Variants in HSD17B13 observed in about 807,000 individuals in gnomAD.
HSD17B13 encodes the protein hydroxysteroid 17-beta dehydrogenase 13.
A neutral mutation model predicts 31.1 loss-of-function variants in HSD17B13; 26 were observed. The observed-to-expected ratio is 0.84, with a 90% CI of 0.61 to 1.16. The LOEUF is 1.16. Ranked by LOEUF, HSD17B13 falls within the 50% of genes most tolerant of loss-of-function variation. The pLI is 0.00. For synonymous variants in HSD17B13, 141 were observed against 133.7 expected (o/e 1.05, Z -0.38); for missense variants, 374 against 366.5 (o/e 1.02, Z -0.17).
intron 6 of HSD17B13, among the ~76,000 whole-genome samples, chr4:87,309,972 C>T (rs528609126): frequency 6.6e-6 from 1 of 152,082 alleles, no homozygotes; most frequent in Admixed American, 6.6e-5. Flanking sequence ...CCAGCCTGGC[C>T]AACATGGGGA....
chr4:87,315,513 A>G lies in HSD17B13; in HGVS notation c.537T>C (p.Ile179=). The G allele has an allele frequency of 1.2e-6, 2 of 1,608,638 alleles. No homozygotes were observed. Among genetic ancestry groups the G allele is most frequent in the Non-Finnish European group, 1.7e-6 (2 of 1,175,510 alleles). Residue 179 remains isoleucine (I), a synonymous_variant, in exon 4 of 7, where the codon ATT becomes ATC. Transcript: ENST00000328546. The stretch of plus-strand genomic sequence containing the variant: ...CTTACCAATATGGGATGAGGTAAGG[A>G]ATCCCTTCGTGGCCGCACACTGAAG... ...TVASVCGHEG[I]PYLIPYCSSK... is the part of the protein sequence containing the mutation.
intron 1 of HSD17B13, 105 bp from the exon 2 acceptor site, chr4:87,318,541 T>TA (rs1734711726): frequency 1.2e-6 from 1 of 861,086 alleles, no homozygotes; most frequent in Admixed American, 2.0e-5. Context: ...GGCTCACGCC[T>TA]GTAATCCCAG....
rs1220769986 is a variant in HSD17B13 at position 87,317,552 on chromosome 4, T to C, written c.319-329A>G. Among the ~76,000 whole-genome samples the C allele has an allele frequency of 6.2e-5, 9 of 145,416 alleles. No homozygotes were observed. The East Asian group carries it at 1.6e-3, about 26-fold the overall frequency. On this transcript the variant is annotated intron_variant, in intron 2 of 6. Coordinates refer to ENST00000328546, the MANE Select transcript of HSD17B13 (RefSeq NM_178135.5). ...AAGTGTTCATTTTTTAAAAATGTGT[T>C]TTTCTTTAAACTTTTTTTTTTTTTT...
chr4:87,307,813 G>A (rs186474524), intron 6 of HSD17B13, among the ~76,000 whole-genome samples: 3 of 152,072 alleles, frequency 2.0e-5, no homozygotes, highest in Non-Finnish European at 4.4e-5. Context: ...GTCAACTCGC[G>A]AGATGATGTT....
intron 2 of HSD17B13, among the ~76,000 whole-genome samples, chr4:87,317,699 G>A (rs1034636816): frequency 1.3e-5 from 2 of 148,270 alleles, no homozygotes; most frequent in African/African-American, 5.0e-5. Flanking sequence ...GTGAACCACC[G>A]CACCTGGTCT....
In HSD17B13 at chr4:87,313,016, C is replaced by T. The variant is rs572642024; in HGVS notation, c.695+807G>A. 5.3e-5 allele frequency among the ~76,000 whole-genome samples: 8 copies of T among 151,680 alleles called. No individual in the cohort carries two copies. In the South Asian group the frequency reaches 6.3e-4, roughly 12 times the overall value. On this transcript the variant is annotated intron_variant, in intron 5 of 6. Coordinates refer to ENST00000328546, the MANE Select transcript of HSD17B13 (RefSeq NM_178135.5). ...CGGAGGTTGCGGTGAGCTGAGATCG[C>T]GCCACTGTACTCCAGCCTGGGTGAC... is the stretch of plus-strand genomic sequence containing the variant.
Position 87,313,929 on chromosome 4 carries a change from T to C in HSD17B13, c.589A>G (p.Arg197Gly). 6.3e-7 allele frequency: 1 copy of C among 1,592,600 alleles called. No homozygotes were observed. The highest frequency in any genetic ancestry group is 1.4e-5 in the African/African-American group (1 of 72,386). Residue 197 changes from arginine to glycine, a missense_variant, in exon 5 of 7, where the codon AGA (arginine) becomes GGA (glycine). Arg to Gly is a moderately radical substitution (Grantham distance 125). Transcript: ENST00000328546. ...GCCTGAAGTTCTGATGTCAGACCTCTGTGAAAGCCAACAGCGGCAAATTTG... is the reference window on the plus strand; with the variant it reads ...GCCTGAAGTTCTGATGTCAGACCTCCGTGAAAGCCAACAGCGGCAAATTTG... The part of the protein sequence containing the change: ...SSKFAAVGFH[R>G]GLTSELQALG...
chr4:87,313,296 G>A lies in HSD17B13; in HGVS notation c.695+527C>T, dbSNP rs116222866. 7.1e-3 allele frequency among the ~76,000 whole-genome samples: 1,078 copies of A among 152,152 alleles called. 11 individuals carry two copies. The highest frequency in any genetic ancestry group is 0.025 in the African/African-American group (1,034 of 41,508). On this transcript the variant is annotated intron_variant, in intron 5 of 6. Transcript: ENST00000328546. ...TCCCTTCCAGTAAAAAATTGGTTTC[G>A]AATCATTAAGCTTAGTATATTTTGT...
rs1734805658 is a variant in HSD17B13, at chr4:87,322,275, T to G, written c.210+357A>C. ...GCAAGTTCTTCGTTTGACTTTTGTTTGTAGCTGTAATTTTCAGATCCCGTT... is the reference window on the plus strand; with the variant it reads ...GCAAGTTCTTCGTTTGACTTTTGTTGGTAGCTGTAATTTTCAGATCCCGTT... On this transcript the variant is annotated intron_variant, in intron 1 of 6. Transcript: ENST00000328546. Among the ~76,000 whole-genome samples, 3 of 152,214 alleles carry G rather than the reference T, an allele frequency of 2.0e-5. No individual in the cohort carries two copies. The South Asian group carries it at 6.2e-4, about 32-fold the overall frequency.
At chr4:87,311,758 C>T (rs1261599679) in intron 5 of HSD17B13, among the ~76,000 whole-genome samples, 1 of 152,120 alleles carries the variant, frequency 6.6e-6, no homozygotes, top group Non-Finnish European at 1.5e-5. Context: ...AACTTCATTC[C>T]CTGGGATGAT....
chr4:87,307,916 C>A (rs1734427600), intron 6 of HSD17B13, among the ~76,000 whole-genome samples: 1 of 152,112 alleles, frequency 6.6e-6, no homozygotes, highest in African/African-American at 2.4e-5. Flanking sequence ...GCAGTTTGTA[C>A]CCTGTTCTCA....
In HSD17B13 at chr4:87,317,173, T is replaced by G. The variant is rs751935394; in HGVS notation, c.369A>C (p.Thr123=). Residue 123 remains threonine, a synonymous_variant, in exon 3 of 7, where the codon ACA becomes ACC. Coordinates refer to ENST00000328546, the MANE Select transcript of HSD17B13 (RefSeq NM_178135.5). ...DVTIVVNNAG[T]VYPADLLSTK... is the part of the protein sequence containing the mutation. ...TGCTGAGAAGATCGGCTGGATATAC[T>G]GTCCCAGCATTATTCACCACGATTG... 1.4e-5 allele frequency: 22 copies of G among 1,613,696 alleles called. No individual in the cohort carries two copies. Among genetic ancestry groups the G allele is most frequent in the Non-Finnish European group, 5.9e-6 (7 of 1,179,670 alleles).
intron 2 of HSD17B13, 133 bp downstream of exon 2, chr4:87,318,196 G>A (rs1734698685): frequency 1.5e-6 from 1 of 655,624 alleles, no homozygotes; most frequent in African/African-American, 1.8e-5. Context: ...ATCCTTCCTT[G>A]GTGACATAAC....
chr4:87,310,194 A>G, intron 6 of HSD17B13, 49 bp downstream of exon 6: 2 of 1,483,986 alleles, frequency 1.3e-6, no homozygotes, highest in East Asian at 2.7e-5. Context: ...AAGCAAAAAA[A>G]AAAGCTCTAT....
chr4:87,316,952 T>C (rs921984361), intron 3 of HSD17B13, 140 bp downstream of exon 3: 3 of 811,462 alleles, frequency 3.7e-6, no homozygotes, highest in Admixed American at 4.8e-5. Flanking sequence ...GTGGCTCTTC[T>C]ACTCAAACAA....
chr4:87,319,991 C>G (rs1734744650), intron 1 of HSD17B13, among the ~76,000 whole-genome samples: 1 of 152,152 alleles, frequency 6.6e-6, no homozygotes, highest in Non-Finnish European at 1.5e-5. Flanking sequence ...TTCTCTGTGA[C>G]AAAGAGGCAA....
At chr4:87,307,605 C>A (rs570281931) in intron 6 of HSD17B13, among the ~76,000 whole-genome samples, 1 of 152,078 alleles carries the variant, frequency 6.6e-6, no homozygotes, top group Non-Finnish European at 1.5e-5. Context: ...CTCCGCCTTC[C>A]GGGTTCAAGG....
chr4:87,318,759 C>A (rs1734716330), intron 1 of HSD17B13, among the ~76,000 whole-genome samples: 1 of 142,888 alleles, frequency 7.0e-6, no homozygotes, highest in Non-Finnish European at 1.5e-5. Flanking sequence ...GATAGTGCCA[C>A]TGGACTCCAG....
At chr4:87,319,514 T>C (rs1249538592) in intron 1 of HSD17B13, among the ~76,000 whole-genome samples, 1 of 152,222 alleles carries the variant, frequency 6.6e-6, no homozygotes, top group Non-Finnish European at 1.5e-5. Context: ...GCACCAACTA[T>C]GTAATAGGCA....
Sources: gnomAD v4.1 joint callset for allele counts (sites outside exome capture counted in the v4.1 genomes callset) on GRCh38, gnomAD v4.1.1 for gene constraint, MANE v1.5 for transcripts, NCBI Gene and HGNC (gene_info 2026-07-23, HGNC 2026-07-21) for gene names.